Variants in CAMTA1 observed in about 807,000 individuals in gnomAD.
CAMTA1 encodes calmodulin-binding transcription activator 1.
CAMTA1 carries 27 observed loss-of-function variants against 170.9 expected under a neutral mutation model. The ratio of observed to expected loss-of-function variants is 0.16; its 90% CI spans 0.12 to 0.22. CAMTA1 has a LOEUF of 0.22. CAMTA1 is among the 10% of genes least tolerant of loss of function. The pLI is 1.00. For synonymous variants in CAMTA1, 833 were observed against 891.5 expected, an observed-to-expected ratio of 0.93 and a Z score of 1.17; for missense variants, 1,619 against 2,217.2, an observed-to-expected ratio of 0.73 and a Z score of 5.42.
At chr1:6,985,655 G>A (rs968694499) in intron 3 of CAMTA1, among the ~76,000 whole-genome samples, 1 of 152,196 alleles carries the variant, frequency 6.6e-6, no homozygotes, top group East Asian at 1.9e-4. Context: ...AACAGTTGTA[G>A]CAAATCTTCG....
At chr1:7,228,318 C>T (rs1662074540) in intron 4 of CAMTA1, among the ~76,000 whole-genome samples, 1 of 152,182 alleles carries the variant, frequency 6.6e-6, no homozygotes, top group African/African-American at 2.4e-5. Context: ...GAACTCCGGA[C>T]TCAGCCGGGC....
rs751108076 is a variant in CAMTA1 at position 7,310,676 on chromosome 1, CTT to C, written c.438+61052_438+61053del. Among the ~76,000 whole-genome samples the C allele has an allele frequency of 3.5e-3, 88 of 25,504 alleles. 3 individuals carry two copies. The highest frequency in any genetic ancestry group is 9.5e-3 in the African/African-American group (38 of 4,008). The allele number at this position is 25,504 out of a possible 152,430, so 16.7% of individuals were successfully genotyped here. On this transcript the variant is annotated intron_variant, in intron 5 of 22. Transcript: ENST00000303635. ...CTTTCTTTCTTTCTTTCTTTCCTTT[CTT>C]TCTCTCTCTCTCTCTCTCTCTCTCT...
At chr1:7,423,491 G>C (rs201956903) in intron 5 of CAMTA1, among the ~76,000 whole-genome samples, 1 of 130,096 alleles carries the variant, frequency 7.7e-6, no homozygotes, top group Non-Finnish European at 1.6e-5. Flanking sequence ...AAAAAAAAAA[G>C]AACCAGCACA....
intron 5 of CAMTA1, among the ~76,000 whole-genome samples, chr1:7,289,354 G>C (rs1672787140): frequency 6.6e-6 from 1 of 152,136 alleles, no homozygotes. Context: ...AGAAGGTGTG[G>C]TTTCAAGATC....
intron 6 of CAMTA1, among the ~76,000 whole-genome samples, chr1:7,487,100 C>T (rs1195140907): frequency 1.3e-5 from 2 of 152,238 alleles, no homozygotes; most frequent in African/African-American, 2.4e-5. Context: ...AGCACAGATG[C>T]TCCTGATAGG....
intron 22 of CAMTA1, among the ~76,000 whole-genome samples, chr1:7,761,026 G>C (rs1011059967): frequency 6.6e-6 from 1 of 152,194 alleles, no homozygotes. Flanking sequence ...AGTAAACCCT[G>C]TGGGCTTTTG....
intron 4 of CAMTA1, among the ~76,000 whole-genome samples, chr1:7,094,568 G>A (rs1339897794): frequency 6.6e-6 from 1 of 151,994 alleles, no homozygotes; most frequent in Non-Finnish European, 1.5e-5. Flanking sequence ...AGCTGCAGAG[G>A]GGCCCCCTGC....
chr1:6,961,118 T>C (rs1690325752), intron 3 of CAMTA1, among the ~76,000 whole-genome samples: 1 of 152,226 alleles, frequency 6.6e-6, no homozygotes. Context: ...TGAATTCTCA[T>C]TTCACTCTTC....
At chr1:6,795,631 C>T (rs915093521) in intron 1 of CAMTA1, among the ~76,000 whole-genome samples, 7 of 151,936 alleles carry the variant, frequency 4.6e-5, no homozygotes, top group Admixed American at 4.6e-4. Context: ...CTCTTTTTTT[C>T]TCCATTCCCT....
intron 6 of CAMTA1, among the ~76,000 whole-genome samples, chr1:7,553,231 GGGAA>G (rs1374345358): frequency 3.8e-3 from 50 of 13,146 alleles, no homozygotes; most frequent in African/African-American, 0.025. Context: ...GAATGAATGA[GGGAA>G]TGAATGAATG....
At chr1:7,678,520 G>A (rs1274066953) in intron 11 of CAMTA1, among the ~76,000 whole-genome samples, 1 of 152,142 alleles carries the variant, frequency 6.6e-6, no homozygotes, top group East Asian at 1.9e-4. Context: ...CAGGGGCTCT[G>A]CAGAGAAGAG....
chr1:6,788,601 A>C (rs1381726443), intron 1 of CAMTA1, among the ~76,000 whole-genome samples: 1 of 152,140 alleles, frequency 6.6e-6, no homozygotes, highest in East Asian at 1.9e-4. Flanking sequence ...GGAACTTCGG[A>C]AAAACGAAGA....
chr1:6,838,971 G>C lies in CAMTA1; in HGVS notation c.234+13761G>C, dbSNP rs971964884. On this transcript the variant is annotated intron_variant, in intron 3 of 22. Transcript: ENST00000303635. ...AGGATCTTGCTGTCTTGCCCAGGCT[G>C]GTCTTGAATTCCTGGCCTCAAATGA... Among the ~76,000 whole-genome samples, 14 of 152,180 alleles carry C rather than the reference G, an allele frequency of 9.2e-5. No individual in the cohort carries two copies. In the East Asian group the frequency reaches 2.5e-3, roughly 28 times the overall value.
Position 6,803,254 on chromosome 1 carries a change from A to T in CAMTA1, c.46-16927A>T, listed in dbSNP as rs145003253. On this transcript the variant is annotated intron_variant, in intron 1 of 22. Transcript: ENST00000303635. ...GGTCGGTAAACATAAAAGGATGGAG[A>T]TGTGTATCCTTAGTAAGAATGGGAG... 3.9e-5 allele frequency among the ~76,000 whole-genome samples: 6 copies of T among 152,266 alleles called. No homozygotes were observed. The East Asian group carries it at 9.7e-4, about 25-fold the overall frequency.
At position 7,063,630 on chromosome 1, in the gene CAMTA1, A is replaced by G. The variant is rs1434110444; in HGVS notation, c.235-27674A>G. Among the ~76,000 whole-genome samples, 2 of 152,200 alleles carry G rather than the reference A, an allele frequency of 1.3e-5. No individual in the cohort carries two copies. Among genetic ancestry groups the G allele is most frequent in the Non-Finnish European group, 2.9e-5 (2 of 68,034 alleles). ...TGGTCTTAAAGCTATTTTAGATCTGAAATACCTTCCCTGGACCTACCATTT... is the reference window on the plus strand; with the variant it reads ...TGGTCTTAAAGCTATTTTAGATCTGGAATACCTTCCCTGGACCTACCATTT... On this transcript the variant is annotated intron_variant, in intron 3 of 22. Transcript: ENST00000303635. The surrounding 1 kb of genome is among the most constrained non-coding windows in gnomAD (Gnocchi z 4.3).
At chr1:7,164,610 C>T (rs1258352455) in intron 4 of CAMTA1, among the ~76,000 whole-genome samples, 6 of 152,200 alleles carry the variant, frequency 3.9e-5, no homozygotes, top group African/African-American at 9.6e-5. Context: ...GGCATCTGGT[C>T]AGATCTCACA....
intron 11 of CAMTA1, among the ~76,000 whole-genome samples, chr1:7,710,563 T>G (rs1198458882): frequency 7.2e-6 from 1 of 138,784 alleles, no homozygotes; most frequent in Non-Finnish European, 1.5e-5. Context: ...ATTACACCAC[T>G]GCACTCCAGC....
At chr1:6,860,028 A>G (rs1664063202) in intron 3 of CAMTA1, among the ~76,000 whole-genome samples, 1 of 152,106 alleles carries the variant, frequency 6.6e-6, no homozygotes, top group African/African-American at 2.4e-5. Flanking sequence ...GTTACTTTTT[A>G]TAATAGTCTT....
intron 5 of CAMTA1, among the ~76,000 whole-genome samples, chr1:7,326,902 G>T (rs1163517693): frequency 6.6e-6 from 1 of 152,190 alleles, no homozygotes; most frequent in African/African-American, 2.4e-5. Context: ...AAAGCAGGTA[G>T]AGAAGATATG....
Sources: gnomAD v4.1 joint callset for allele counts (sites outside exome capture counted in the v4.1 genomes callset) on GRCh38, gnomAD v4.1.1 for gene constraint, Gnocchi (gnomAD v3.1) non-coding constraint, MANE v1.5 for transcripts, NCBI Gene and HGNC (gene_info 2026-07-23, HGNC 2026-07-21) for gene names.